Variants in RIT2 observed in about 807,000 individuals in gnomAD.
The protein encoded by RIT2 is GTP-binding protein Rit2.
RIT2 carries 24 observed loss-of-function variants against 23.7 expected under a neutral mutation model. The ratio of observed to expected loss-of-function variants is 1.01; its 90% confidence interval spans 0.73 to 1.43. RIT2 has a LOEUF of 1.43. Among genes scored for constraint, RIT2 ranks in the 40% most tolerant of loss-of-function variants. RIT2 has a pLI of 0.00. For synonymous variants in RIT2, 107 were observed against 91.1 expected (o/e 1.17, Z -0.99); for missense variants, 236 against 266.9 (o/e 0.88, Z 0.81).
intron 2 of RIT2, among the ~76,000 whole-genome samples, chr18:42,987,113 TCA>T (rs1286077213): frequency 3.3e-5 from 5 of 152,182 alleles, no homozygotes; most frequent in Non-Finnish European, 4.4e-5. Context: ...ATTATTGGTT[TCA>T]GTTATATATA....
intron 4 of RIT2, among the ~76,000 whole-genome samples, chr18:42,876,094 A>G (rs1172661185): frequency 6.6e-6 from 1 of 152,044 alleles, no homozygotes; most frequent in Non-Finnish European, 1.5e-5. Flanking sequence ...TCAGTTAGTC[A>G]CTGAACTTGA....
At chr18:42,758,004 T>C (rs957292159) in intron 4 of RIT2, among the ~76,000 whole-genome samples, 2 of 152,120 alleles carry the variant, frequency 1.3e-5, no homozygotes, top group Non-Finnish European at 2.9e-5. Flanking sequence ...ATAACCTTTT[T>C]TTTTTTTAAT....
chr18:43,113,671 C>T (rs1258323794), intron 1 of RIT2, among the ~76,000 whole-genome samples: 1 of 152,104 alleles, frequency 6.6e-6, no homozygotes, highest in Non-Finnish European at 1.5e-5. Flanking sequence ...TGTTCCCGTC[C>T]AAAATCTCTT....
At chr18:43,064,451 A>G (rs1912724250) in intron 1 of RIT2, among the ~76,000 whole-genome samples, 1 of 152,176 alleles carries the variant, frequency 6.6e-6, no homozygotes, top group South Asian at 2.1e-4. Context: ...TCCTATTACT[A>G]AGCAATACAC....
At chr18:42,900,665 C>G (rs982604720) in intron 4 of RIT2, among the ~76,000 whole-genome samples, 1 of 152,016 alleles carries the variant, frequency 6.6e-6, no homozygotes, top group Non-Finnish European at 1.5e-5. Flanking sequence ...TTCTCTCCCT[C>G]TTTTCATTAA....
chr18:42,758,280 C>G (rs1405942581), intron 4 of RIT2, among the ~76,000 whole-genome samples: 1 of 152,140 alleles, frequency 6.6e-6, no homozygotes, highest in East Asian at 1.9e-4. Flanking sequence ...TTAATCACTT[C>G]TAATTTGCAC....
chr18:42,866,640 GAAAA>G (rs372644436), intron 4 of RIT2, among the ~76,000 whole-genome samples: 1 of 136,130 alleles, frequency 7.3e-6, no homozygotes, highest in Non-Finnish European at 1.6e-5. Flanking sequence ...GTGCTGTCAG[GAAAA>G]AAAAAAAAAA....
chr18:42,972,091 T>C (rs968592061), intron 3 of RIT2, among the ~76,000 whole-genome samples: 11 of 152,112 alleles, frequency 7.2e-5, no homozygotes, highest in Non-Finnish European at 1.3e-4. Flanking sequence ...CCATTTTTTT[T>C]ATTTGATCAT....
At chr18:43,038,167 T>A (rs1156746974) in intron 1 of RIT2, among the ~76,000 whole-genome samples, 1 of 136,410 alleles carries the variant, frequency 7.3e-6, no homozygotes, top group Non-Finnish European at 1.5e-5. Context: ...ATTGCGCCAC[T>A]GCACTCCAGC....
intron 4 of RIT2, among the ~76,000 whole-genome samples, chr18:42,882,947 T>G (rs1193200124): frequency 6.6e-6 from 1 of 152,214 alleles, no homozygotes; most frequent in Non-Finnish European, 1.5e-5. Flanking sequence ...ATAGCATATG[T>G]GATCATATAT....
intron 1 of RIT2, among the ~76,000 whole-genome samples, chr18:43,073,798 TA>T (rs1359136195): frequency 6.6e-6 from 1 of 152,128 alleles, no homozygotes; most frequent in Non-Finnish European, 1.5e-5. Context: ...AAGAGTCCTA[TA>T]ATGGCATTTA....
intron 4 of RIT2, among the ~76,000 whole-genome samples, chr18:42,837,196 C>A (rs571645903): frequency 2.1e-5 from 1 of 47,276 alleles, no homozygotes; most frequent in Non-Finnish European, 4.4e-5. Context: ...GAGACGGAGT[C>A]TCGCTTTATC....
intron 1 of RIT2, among the ~76,000 whole-genome samples, chr18:43,080,976 C>T (rs570761439): frequency 1.3e-5 from 2 of 152,224 alleles, no homozygotes; most frequent in South Asian, 2.1e-4. Context: ...GATCCTGGGG[C>T]GAACGTCAAC....
At chr18:42,818,843 T>A (rs553510680) in intron 4 of RIT2, among the ~76,000 whole-genome samples, 1 of 151,996 alleles carries the variant, frequency 6.6e-6, no homozygotes, top group Non-Finnish European at 1.5e-5. Context: ...AGTTGACAGT[T>A]AGAATTGATC....
At chr18:42,768,759 T>G (rs1913482333) in intron 4 of RIT2, among the ~76,000 whole-genome samples, 1 of 152,132 alleles carries the variant, frequency 6.6e-6, no homozygotes, top group Admixed American at 6.6e-5. Flanking sequence ...TTTTCATGGA[T>G]AAGGTACATT....
chr18:42,990,246 C>G (rs1052269306), intron 2 of RIT2, among the ~76,000 whole-genome samples: 5 of 151,958 alleles, frequency 3.3e-5, no homozygotes, highest in Non-Finnish European at 7.4e-5. Flanking sequence ...AGCAGTCAGG[C>G]AGAAGGAGTT....
rs1183813545 is a variant in RIT2 at position 42,908,044 on chromosome 18, C to T, written c.426+15528G>A. Among the ~76,000 whole-genome samples, 3 of 147,898 alleles carry T rather than the reference C, an allele frequency of 2.0e-5. No individual in the cohort carries two copies. The East Asian group carries it at 5.9e-4, about 29-fold the overall frequency. ...TTTACTGTAAAACAAATTTAAAAGA[C>T]ATGGAAAATCTCAGGACATAAATAG... On this transcript the variant is annotated intron_variant, in intron 4 of 4. Transcript: ENST00000326695.
At chr18:42,768,510 C>T (rs1026898275) in intron 4 of RIT2, among the ~76,000 whole-genome samples, 21 of 152,264 alleles carry the variant, frequency 1.4e-4, no homozygotes, top group African/African-American at 4.3e-4. Flanking sequence ...GTTTCTATGA[C>T]AGTTTCCAGA....
chr18:42,946,343 C>G (rs1249720205), intron 3 of RIT2, among the ~76,000 whole-genome samples: 1 of 151,958 alleles, frequency 6.6e-6, no homozygotes. Context: ...ATGGATGTAG[C>G]TTACATTTTT....
Sources: allele counts gnomAD v4.1 joint callset (sites outside exome capture counted in the v4.1 genomes callset), GRCh38; gene constraint gnomAD v4.1.1; transcripts MANE v1.5; gene names NCBI Gene and HGNC (gene_info 2026-07-23, HGNC 2026-07-21).